Variants in GDPD4 observed in about 807,000 individuals in gnomAD.
GDPD4 encodes the protein glycerophosphodiester phosphodiesterase domain containing 4.
GDPD4 carries 60 observed loss-of-function variants against 67.8 expected under a neutral mutation model. That is an observed-to-expected ratio of 0.88 (90% CI 0.72 to 1.10). GDPD4 has a LOEUF of 1.10. Among genes scored for constraint, GDPD4 ranks in the 50% least tolerant of loss-of-function variants. The probability of loss-of-function intolerance (pLI) is 0.00; values close to 1 mark genes in which losing one functional copy is unlikely to be tolerated. For missense variants in GDPD4, 623 were observed against 613.9 expected (o/e 1.01, Z -0.16); for synonymous variants, 212 against 210.9 (o/e 1.00, Z -0.04).
chr11:77,296,419 C>A lies in GDPD4; in HGVS notation c.-254+5186G>T, dbSNP rs1246484658. On this transcript the variant is annotated intron_variant, in intron 1 of 16. Transcript: ENST00000315938. The stretch of plus-strand genomic sequence containing the variant: ...CACTGCAACCTCCACCTCCCGGGTT[C>A]AAGCAATTCTCCTACCTCAGCCTCC... Among the ~76,000 whole-genome samples the A allele has an allele frequency of 2.0e-5, 3 of 150,500 alleles. No homozygotes were observed. The East Asian group carries it at 6.2e-4, about 31-fold the overall frequency.
intron 13 of GDPD4, among the ~76,000 whole-genome samples, chr11:77,240,273 T>C (rs1958637520): frequency 6.6e-6 from 1 of 152,180 alleles, no homozygotes; most frequent in African/African-American, 2.4e-5. Context: ...AACAGCATGG[T>C]AATGGCATAA....
intron 16 of GDPD4, among the ~76,000 whole-genome samples, chr11:77,219,282 G>T (rs2135815189): frequency 6.6e-6 from 1 of 152,290 alleles, no homozygotes; most frequent in Non-Finnish European, 1.5e-5. Flanking sequence ...CCAGGTATTA[G>T]CCCTTTGTTA....
intron 7 of GDPD4, among the ~76,000 whole-genome samples, chr11:77,270,555 A>C (rs1670450): frequency 0.19 from 29,265 of 152,022 alleles, 3,740 homozygotes; most frequent in Non-Finnish European, 0.27. Context: ...ATCTCTATTA[A>C]AAATACAACC....
intron 4 of GDPD4, among the ~76,000 whole-genome samples, chr11:77,277,391 CTTTT>C (rs71043564): frequency 3.4e-5 from 2 of 58,346 alleles, no homozygotes; most frequent in Non-Finnish European, 6.2e-5. Flanking sequence ...GCCATGTTTC[CTTTT>C]TTTTTTTTTT....
intron 4 of GDPD4, among the ~76,000 whole-genome samples, chr11:77,277,391 CTTTTTTTTTTT>C (rs71043564): frequency 5.1e-4 from 30 of 58,346 alleles, no homozygotes; most frequent in South Asian, 1.8e-3. Context: ...GCCATGTTTC[CTTTTTTTTTTT>C]TTTTTTTTTT....
intron 7 of GDPD4, among the ~76,000 whole-genome samples, chr11:77,270,658 G>A (rs754547495): frequency 2.0e-5 from 3 of 152,140 alleles, no homozygotes; most frequent in Non-Finnish European, 2.9e-5. Context: ...GTAGTGAGCC[G>A]AGATTGTGCC....
chr11:77,285,156 A>T lies in GDPD4; in HGVS notation c.-19T>A. The T allele has an allele frequency of 7.5e-6, 12 of 1,599,726 alleles. No homozygotes were observed. Among genetic ancestry groups the T allele is most frequent in the Non-Finnish European group, 1.0e-5 (12 of 1,167,762 alleles). ...GCAACATCAGAGACAAGACAAATGA[A>T]ATTACCAGGCACGGCAAAATAATTG... On this transcript the variant is annotated 5_prime_UTR_variant, in exon 3 of 17. Coordinates refer to ENST00000315938, the MANE Select transcript of GDPD4 (RefSeq NM_182833.3).
At chr11:77,248,107 T>C (rs867566832) in intron 11 of GDPD4, among the ~76,000 whole-genome samples, 8 of 149,396 alleles carry the variant, frequency 5.4e-5, no homozygotes, top group Admixed American at 2.7e-4. Flanking sequence ...CAATTAAACC[T>C]GTCCAATGAT....
At chr11:77,298,647 A>G (rs1938059729) in intron 1 of GDPD4, among the ~76,000 whole-genome samples, 1 of 152,180 alleles carries the variant, frequency 6.6e-6, no homozygotes, top group Admixed American at 6.5e-5. Flanking sequence ...TCTTAGAGAC[A>G]ATAGGTGACA....
chr11:77,219,071 A>ATGAT (rs1470954922), intron 16 of GDPD4, among the ~76,000 whole-genome samples: 4 of 152,126 alleles, frequency 2.6e-5, no homozygotes, highest in African/African-American at 9.7e-5. Context: ...TGACTTTTTA[A>ATGAT]TGATTGCCAT....
chr11:77,244,092 T>C lies in GDPD4; in HGVS notation c.1087-244A>G, dbSNP rs1297598043. On this transcript the variant is annotated intron_variant, in intron 12 of 16. Coordinates refer to ENST00000315938, the MANE Select transcript of GDPD4 (RefSeq NM_182833.3). Reference sequence around the variant, plus strand: ...GTGCAGTGGCACAATCTTGGCTCACTGTAAGCTCCGCCACCCGGGTTCATA... The same window carrying C: ...GTGCAGTGGCACAATCTTGGCTCACCGTAAGCTCCGCCACCCGGGTTCATA... Among the ~76,000 whole-genome samples, 8 of 152,202 alleles carry C rather than the reference T, an allele frequency of 5.3e-5. No individual in the cohort carries two copies. In the East Asian group the frequency reaches 9.6e-4, roughly 18 times the overall value.
intron 1 of GDPD4, among the ~76,000 whole-genome samples, chr11:77,295,586 G>A (rs577307219): frequency 6.6e-6 from 1 of 152,078 alleles, no homozygotes; most frequent in African/African-American, 2.4e-5. Flanking sequence ...AGCCATGATG[G>A]GGCCACTATA....
intron 9 of GDPD4, 49 bp downstream of exon 9, chr11:77,268,875 T>C (rs748168843): frequency 1.3e-6 from 2 of 1,580,178 alleles, no homozygotes; most frequent in South Asian, 1.1e-5. Context: ...CTTGACCACA[T>C]ACCCCACACA....
At chr11:77,276,316 A>G in intron 4 of GDPD4, 96 bp from the exon 5 acceptor site, 1 of 882,574 alleles carries the variant, frequency 1.1e-6, no homozygotes, top group South Asian at 1.4e-5. Context: ...TTCACAGTCT[A>G]GCAGTACACT....
At chr11:77,233,446 GA>G (rs34507126) in intron 13 of GDPD4, among the ~76,000 whole-genome samples, 306 of 100,378 alleles carry the variant, frequency 3.0e-3, no homozygotes, top group African/African-American at 6.0e-3. Context: ...AAAACATATT[GA>G]AAAAAAAAAA....
intron 1 of GDPD4, among the ~76,000 whole-genome samples, chr11:77,289,443 T>C (rs28420990): frequency 0.56 from 83,022 of 149,416 alleles, 26,644 homozygotes; most frequent in African/African-American, 0.88. Context: ...GCAGGCCGGC[T>C]GGCCATAGTG....
chr11:77,265,506 G>A (rs547250304), intron 10 of GDPD4, among the ~76,000 whole-genome samples: 3 of 151,950 alleles, frequency 2.0e-5, no homozygotes, highest in African/African-American at 7.3e-5. Flanking sequence ...GATTCACATG[G>A]GTTTGTAAGA....
chr11:77,284,768 G>C (rs1959922165), intron 3 of GDPD4, among the ~76,000 whole-genome samples: 1 of 152,172 alleles, frequency 6.6e-6, no homozygotes, highest in Non-Finnish European at 1.5e-5. Context: ...GTAACTCAAA[G>C]AGACTAAAGA....
chr11:77,300,312 C>A (rs1353837847), intron 1 of GDPD4, among the ~76,000 whole-genome samples: 1 of 152,080 alleles, frequency 6.6e-6, no homozygotes, highest in Admixed American at 6.5e-5. Context: ...GAATAAGAAC[C>A]CCTTCCCCTC....
Sources: gnomAD v4.1 joint callset for allele counts (sites outside exome capture counted in the v4.1 genomes callset) on GRCh38, gnomAD v4.1.1 for gene constraint, MANE v1.5 for transcripts, NCBI Gene and HGNC (gene_info 2026-07-23, HGNC 2026-07-21) for gene names.